Variants in PLEKHD1 observed in about 807,000 individuals in gnomAD.
PLEKHD1 encodes the protein pleckstrin homology and coiled-coil domain containing D1.
A neutral mutation model predicts 69.2 loss-of-function variants in PLEKHD1; 51 were observed. The observed-to-expected ratio is 0.74, with a 90% CI of 0.59 to 0.93. The LOEUF is 0.93. Ranked by LOEUF, PLEKHD1 falls within the 40% of genes least tolerant of loss-of-function variation. The pLI, the probability that PLEKHD1 is intolerant of heterozygous loss-of-function variation, is 0.00. For missense variants in PLEKHD1, 584 were observed against 641.0 expected (o/e 0.91, Z 0.96); for synonymous variants, 236 against 244.7 (o/e 0.96, Z 0.33).
At chr14:69,492,825 A>G (rs1882805801) in intron 1 of PLEKHD1, among the ~76,000 whole-genome samples, 1 of 152,168 alleles carries the variant, frequency 6.6e-6, no homozygotes, top group Non-Finnish European at 1.5e-5. Flanking sequence ...GCTGGAGGGT[A>G]GTGGCATGAT....
intron 6 of PLEKHD1, 109 bp downstream of exon 6, chr14:69,502,988 C>A: frequency 7.4e-7 from 1 of 1,357,814 alleles, no homozygotes; most frequent in Non-Finnish European, 1.0e-6. Context: ...GCTAGAAGAT[C>A]AGATGGGGCA....
At chr14:69,477,251 G>C in the PLEKHD1 span, among the ~76,000 whole-genome samples, 2 of 152,114 alleles carry the variant, frequency 1.3e-5, no homozygotes, top group Non-Finnish European at 2.9e-5. Context: ...CATCAGATCT[G>C]ATGAGACTTA....
chr14:69,500,411 T>G, intron 2 of PLEKHD1, 166 bp from the exon 3 acceptor site: 1 of 693,478 alleles, frequency 1.4e-6, no homozygotes, highest in South Asian at 1.9e-5. Flanking sequence ...GCCCCAACCC[T>G]TCCTCTTCTC....
intron 5 of PLEKHD1, 66 bp from the exon 6 acceptor site, chr14:69,502,761 C>A: frequency 1.3e-6 from 2 of 1,545,546 alleles, no homozygotes; most frequent in Non-Finnish European, 1.8e-6. Flanking sequence ...GGCACCAGCT[C>A]CCTCAGGACC....
chr14:69,498,796 C>T (rs753527379), intron 1 of PLEKHD1, among the ~76,000 whole-genome samples: 71 of 151,908 alleles, frequency 4.7e-4, no homozygotes, highest in Non-Finnish European at 8.7e-4. Context: ...TACAGGTGTG[C>T]GCCACCACAC....
At position 69,528,504 on chromosome 14, in the gene PLEKHD1, G is replaced by A; in HGVS notation, c.*85G>A. The A allele has an allele frequency of 6.9e-7, 1 of 1,453,456 alleles. No homozygotes were observed. 90.0% of individuals were successfully genotyped at this position (1,453,456 alleles called of 1,614,324 possible). A position where few individuals can be genotyped will look rare whatever the true frequency, so the allele number is the denominator to read the frequency against. On this transcript the variant is annotated 3_prime_UTR_variant, in exon 13 of 13. Transcript: ENST00000322564. ...GGCAGAGGGAGGCCTCACTCTACCA[G>A]CTCCTGGCCTCTCTGGTCTGGAGCC... is the stretch of plus-strand genomic sequence containing the variant.
chr14:69,513,459 G>GCCTTATTT (rs1272776174), intron 6 of PLEKHD1, among the ~76,000 whole-genome samples: 1 of 152,136 alleles, frequency 6.6e-6, no homozygotes, highest in Admixed American at 6.5e-5. Context: ...CTTGGTGTTT[G>GCCTTATTT]CCTTATTTGA....
the PLEKHD1 span, among the ~76,000 whole-genome samples, chr14:69,467,894 A>G: frequency 0.064 from 9,773 of 152,294 alleles, 372 homozygotes; most frequent in East Asian, 0.094. Flanking sequence ...TTGGAATTTC[A>G]CCACTAATAA....
chr14:69,473,773 T>C, the PLEKHD1 span, among the ~76,000 whole-genome samples: 1 of 152,022 alleles, frequency 6.6e-6, no homozygotes, highest in Non-Finnish European at 1.5e-5. Context: ...GAGGGGGAGA[T>C]TGGGGTCTTC....
At chr14:69,525,895 T>G in intron 8 of PLEKHD1, 49 bp from the exon 9 acceptor site, 3 of 1,519,338 alleles carry the variant, frequency 2.0e-6, no homozygotes, top group Non-Finnish European at 1.8e-6. Flanking sequence ...GCAGCCACGA[T>G]GGAGAACCTA....
At chr14:69,505,526 T>C (rs549256417) in intron 6 of PLEKHD1, among the ~76,000 whole-genome samples, 1 of 152,322 alleles carries the variant, frequency 6.6e-6, no homozygotes, top group Non-Finnish European at 1.5e-5. Flanking sequence ...ACTGAAGATA[T>C]GGAACCAGGA....
At chr14:69,510,670 T>C (rs1001944608) in intron 6 of PLEKHD1, among the ~76,000 whole-genome samples, 3 of 152,266 alleles carry the variant, frequency 2.0e-5, no homozygotes, top group African/African-American at 4.8e-5. Context: ...TTCCAGATTT[T>C]CTATATAGAC....
upstream of PLEKHD1, among the ~76,000 whole-genome samples, chr14:69,481,095 A>G (rs530325698): frequency 6.6e-6 from 1 of 152,316 alleles, no homozygotes; most frequent in South Asian, 2.1e-4. Flanking sequence ...TACGGATAAA[A>G]CAATATTATA....
At chr14:69,501,259 G>A (rs1883018924) in intron 4 of PLEKHD1, 1 of 455,750 alleles carries the variant, frequency 2.2e-6, no homozygotes, top group South Asian at 2.6e-5. Flanking sequence ...TTCTAGCAAG[G>A]ACTAGAGCTA....
At chr14:69,504,030 T>C (rs1239578355) in intron 6 of PLEKHD1, among the ~76,000 whole-genome samples, 2 of 152,218 alleles carry the variant, frequency 1.3e-5, no homozygotes, top group African/African-American at 4.8e-5. Context: ...TCTAGCTTTG[T>C]GACCTCAGGC....
rs999635803 is a variant in PLEKHD1 at position 69,512,987 on chromosome 14, G to A, written c.556-9296G>A. ...TGCCTGTAGTCCTCGCCACTCAGGA[G>A]GCTGAGGCAGGAGGATTACTTGAAC... On this transcript the variant is annotated intron_variant, in intron 6 of 12. Transcript: ENST00000322564. 5.3e-5 allele frequency among the ~76,000 whole-genome samples: 8 copies of A among 152,152 alleles called. No individual in the cohort carries two copies. In the East Asian group the frequency reaches 1.5e-3, roughly 29 times the overall value.
upstream of PLEKHD1, among the ~76,000 whole-genome samples, chr14:69,480,539 A>G (rs1007854884): frequency 8.5e-5 from 13 of 152,342 alleles, no homozygotes; most frequent in African/African-American, 2.6e-4. Context: ...TCTGTGGCTC[A>G]TGGTAGTCCA....
chr14:69,494,910 C>A (rs78785154), intron 1 of PLEKHD1, among the ~76,000 whole-genome samples: 3,379 of 152,280 alleles, frequency 0.022, 77 homozygotes, highest in African/African-American at 0.059. Flanking sequence ...AATTTGCTTG[C>A]CAGGTGAGCC....
chr14:69,527,390 C>A, intron 11 of PLEKHD1, 58 bp downstream of exon 11: 1 of 1,547,328 alleles, frequency 6.5e-7, no homozygotes, highest in Admixed American at 2.0e-5. Context: ...CAGATGGGAT[C>A]CCGGCCCTGT....
Sources: gnomAD v4.1 joint callset for allele counts (sites outside exome capture counted in the v4.1 genomes callset) on GRCh38, gnomAD v4.1.1 for gene constraint, MANE v1.5 for transcripts, NCBI Gene and HGNC (gene_info 2026-07-23, HGNC 2026-07-21) for gene names.